The following RANBP17 variants were observed in gnomAD, a reference collection of about 807,000 sequenced individuals.
The protein encoded by RANBP17 is ran-binding protein 17.
A neutral mutation model predicts 141.2 loss-of-function variants in RANBP17; 158 were observed. That is an observed-to-expected ratio of 1.12 (90% CI 0.98 to 1.28). The LOEUF (loss-of-function observed/expected upper bound fraction) is 1.28, where lower values mean the gene tolerates loss of function less well. Ranked by LOEUF, RANBP17 falls within the 50% of genes most tolerant of loss-of-function variation. RANBP17 has a pLI of 0.00. For missense variants in RANBP17, 1,438 were observed against 1,290.7 expected, an observed-to-expected ratio of 1.11 and a Z score of -1.75; for synonymous variants, 430 against 450.0, an observed-to-expected ratio of 0.96 and a Z score of 0.56.
chr5:171,220,885 A>G (rs915706358), intron 21 of RANBP17, among the ~76,000 whole-genome samples: 2 of 152,234 alleles, frequency 1.3e-5, no homozygotes, highest in African/African-American at 4.8e-5. Context: ...CAGAACTTGT[A>G]TGCCAGCAAT....
At chr5:171,121,373 C>T (rs1756018287) in intron 14 of RANBP17, among the ~76,000 whole-genome samples, 1 of 152,234 alleles carries the variant, frequency 6.6e-6, no homozygotes, top group Admixed American at 6.5e-5. Context: ...CTCTGCCAGA[C>T]AGGGTTGTAT....
intron 14 of RANBP17, among the ~76,000 whole-genome samples, chr5:171,135,924 A>C (rs1432299543): frequency 6.6e-6 from 1 of 152,232 alleles, no homozygotes; most frequent in Non-Finnish European, 1.5e-5. Context: ...ATCAAAGATT[A>C]ATTTGCTTTA....
At chr5:171,256,267 T>C (rs1226340569) in intron 24 of RANBP17, among the ~76,000 whole-genome samples, 3 of 152,216 alleles carry the variant, frequency 2.0e-5, no homozygotes, top group African/African-American at 7.2e-5. Flanking sequence ...TGCTTCAGTC[T>C]CACTGTCTTT....
intron 14 of RANBP17, among the ~76,000 whole-genome samples, chr5:171,046,284 C>T (rs1183345420): frequency 6.7e-6 from 1 of 148,746 alleles, no homozygotes; most frequent in African/African-American, 2.5e-5. Flanking sequence ...TCTCGGCTGA[C>T]TGCAACCTCT....
chr5:170,916,897 G>T (rs1014738701), intron 9 of RANBP17, among the ~76,000 whole-genome samples: 2 of 151,900 alleles, frequency 1.3e-5, no homozygotes, highest in Non-Finnish European at 2.9e-5. Flanking sequence ...TGTATTTTTA[G>T]TGGAGATGGG....
intron 14 of RANBP17, among the ~76,000 whole-genome samples, chr5:171,132,572 A>G (rs1756995957): frequency 6.6e-6 from 1 of 152,038 alleles, no homozygotes; most frequent in East Asian, 1.9e-4. Flanking sequence ...AAATTTAAAA[A>G]TTAACCAGGT....
chr5:171,090,036 G>A (rs542735964), intron 14 of RANBP17, among the ~76,000 whole-genome samples: 2 of 152,326 alleles, frequency 1.3e-5, no homozygotes, highest in South Asian at 4.1e-4. Flanking sequence ...TACCAGGAGA[G>A]TGGGGCACTG....
chr5:171,173,811 C>G (rs756983895), intron 16 of RANBP17, among the ~76,000 whole-genome samples: 3 of 152,056 alleles, frequency 2.0e-5, no homozygotes, highest in Non-Finnish European at 4.4e-5. Flanking sequence ...TTTCACAAGC[C>G]TCATGTTAAG....
At chr5:171,198,297 T>C (rs969979187) in intron 18 of RANBP17, among the ~76,000 whole-genome samples, 10 of 152,232 alleles carry the variant, frequency 6.6e-5, no homozygotes, top group African/African-American at 2.4e-4. Flanking sequence ...GATACTGACC[T>C]TCGTTTAGAA....
intron 19 of RANBP17, among the ~76,000 whole-genome samples, chr5:171,204,732 A>G (rs188138448): frequency 1.3e-5 from 2 of 152,302 alleles, no homozygotes; most frequent in Admixed American, 1.3e-4. Flanking sequence ...TCTATTCAAG[A>G]GTCAAGTTTT....
intron 14 of RANBP17, among the ~76,000 whole-genome samples, chr5:171,088,150 G>A (rs1022672891): frequency 2.6e-5 from 4 of 151,610 alleles, no homozygotes; most frequent in Admixed American, 2.6e-4. Flanking sequence ...GCTCTTTTAG[G>A]GCAGGCCTGG....
intron 14 of RANBP17, among the ~76,000 whole-genome samples, chr5:171,016,803 G>T (rs946885426): frequency 2.0e-5 from 3 of 151,408 alleles, no homozygotes; most frequent in African/African-American, 7.3e-5. Context: ...AAAAAAAAGC[G>T]GGATACACGT....
chr5:170,913,779 A>G (rs1379415815), intron 7 of RANBP17, among the ~76,000 whole-genome samples: 1 of 151,958 alleles, frequency 6.6e-6, no homozygotes, highest in African/African-American at 2.4e-5. Context: ...GAATGTAACT[A>G]TAGCTAAGTT....
At chr5:171,117,829 TTTG>T (rs57307801) in intron 14 of RANBP17, among the ~76,000 whole-genome samples, 1,765 of 147,532 alleles carry the variant, frequency 0.012, 24 homozygotes, top group African/African-American at 0.033. Flanking sequence ...TATGTGGGGT[TTTG>T]TTGTTGTTGT....
intron 1 of RANBP17, among the ~76,000 whole-genome samples, chr5:170,875,534 C>T (rs919960457): frequency 2.0e-5 from 3 of 151,982 alleles, no homozygotes; most frequent in Non-Finnish European, 4.4e-5. Flanking sequence ...TTTTTTCTCT[C>T]CTGCCTTATT....
intron 7 of RANBP17, among the ~76,000 whole-genome samples, chr5:170,912,912 C>T (rs975068356): frequency 3.3e-5 from 5 of 151,794 alleles, no homozygotes; most frequent in Non-Finnish European, 5.9e-5. Flanking sequence ...GCTTTATAAT[C>T]ATGACATTTT....
At chr5:171,157,070 A>T (rs1758953648) in intron 14 of RANBP17, among the ~76,000 whole-genome samples, 1 of 152,192 alleles carries the variant, frequency 6.6e-6, no homozygotes, top group Non-Finnish European at 1.5e-5. Flanking sequence ...GGAGGTTTTT[A>T]AAATGCAGCT....
chr5:171,107,683 G>T (rs1754949617), intron 14 of RANBP17, among the ~76,000 whole-genome samples: 1 of 152,080 alleles, frequency 6.6e-6, no homozygotes, highest in Admixed American at 6.6e-5. Flanking sequence ...AACATAGTTT[G>T]AATTCACTTA....
At chr5:170,970,173 A>G (rs1158411813) in intron 14 of RANBP17, among the ~76,000 whole-genome samples, 3 of 151,886 alleles carry the variant, frequency 2.0e-5, no homozygotes, top group Non-Finnish European at 4.4e-5. Flanking sequence ...TAAGTACTAT[A>G]TATACAATTT....
Sources: allele counts gnomAD v4.1 joint callset (sites outside exome capture counted in the v4.1 genomes callset), GRCh38; gene constraint gnomAD v4.1.1; transcripts MANE v1.5; gene names NCBI Gene and HGNC (gene_info 2026-07-23, HGNC 2026-07-21).